The following BANK1 variants were observed in gnomAD, a reference collection of about 807,000 sequenced individuals.
BANK1 encodes the protein B-cell scaffold protein with ankyrin repeats.
Under a neutral mutation model 94.5 loss-of-function variants are expected in BANK1, and 95 were observed. That is an observed-to-expected ratio of 1.00 (90% CI 0.85 to 1.19). The LOEUF (loss-of-function observed/expected upper bound fraction) is 1.19, where lower values mean the gene tolerates loss of function less well. Ranked by LOEUF, BANK1 falls within the 50% of genes most tolerant of loss-of-function variation. The pLI is 0.00. For missense variants in BANK1, 987 were observed against 932.2 expected (o/e 1.06, Z -0.77); for synonymous variants, 334 against 308.4 (o/e 1.08, Z -0.87).
At position 101,957,217 on chromosome 4, in the gene BANK1, A is replaced by C. The variant is rs146984602; in HGVS notation, c.1206+39028A>C. 1.9e-3 allele frequency among the ~76,000 whole-genome samples: 285 copies of C among 152,276 alleles called. 2 individuals are homozygous for C. The highest frequency in any genetic ancestry group is 6.4e-3 in the African/African-American group (267 of 41,558). ...TTTACCTTTCTTTAGGTTAAGTAGTATGGCTACCTTGGTCTCAGCTGTTCA... is the reference window on the plus strand; with the variant it reads ...TTTACCTTTCTTTAGGTTAAGTAGTCTGGCTACCTTGGTCTCAGCTGTTCA... On this transcript the variant is annotated intron_variant, in intron 7 of 16. Coordinates refer to ENST00000322953, the MANE Select transcript of BANK1 (RefSeq NM_017935.5).
At chr4:101,867,285 C>T (rs1484867185) in intron 4 of BANK1, among the ~76,000 whole-genome samples, 3 of 151,144 alleles carry the variant, frequency 2.0e-5, no homozygotes, top group Non-Finnish European at 4.4e-5. Flanking sequence ...AAGGAACCCA[C>T]CAATCTAAAA....
At chr4:101,862,008 C>T (rs966128447) in intron 3 of BANK1, among the ~76,000 whole-genome samples, 1 of 152,040 alleles carries the variant, frequency 6.6e-6, no homozygotes, top group African/African-American at 2.4e-5. Context: ...GGCCACTGAA[C>T]TTCTACTACA....
chr4:101,979,877 G>A (rs1407168932), intron 7 of BANK1, among the ~76,000 whole-genome samples: 4 of 151,586 alleles, frequency 2.6e-5, no homozygotes, highest in Non-Finnish European at 4.4e-5. Flanking sequence ...GGAGTAAATT[G>A]GTATCTGACT....
Position 101,830,085 on chromosome 4 carries a change from T to A in BANK1, c.348T>A (p.Cys116Ter). The change falls in exon 2 of 17, where the codon TGT (cysteine) becomes TGA (stop). Residue 116 changes from cysteine to a stop codon, truncating the protein, a stop_gained. Transcript: ENST00000322953. LOFTEE classifies it high-confidence loss of function. ...CAAAAAGTGTAGTTACTTTGCTTTGTGGAGTGAAGAGTTCAGATCAGCTCT... is the reference window on the plus strand; with the variant it reads ...CAAAAAGTGTAGTTACTTTGCTTTGAGGAGTGAAGAGTTCAGATCAGCTCT... ...HSPKSVVTLL[C>*]GVKSSDQLYE... 1.2e-6 allele frequency: 2 copies of A among 1,613,932 alleles called. No individual in the cohort carries two copies. The highest frequency in any genetic ancestry group is 1.7e-6 in the Non-Finnish European group (2 of 1,179,916).
intron 2 of BANK1, among the ~76,000 whole-genome samples, chr4:101,832,429 T>G (rs1237776145): frequency 6.6e-6 from 1 of 152,186 alleles, no homozygotes. Flanking sequence ...TTTATGTATT[T>G]TGGATTTCTT....
intron 13 of BANK1, among the ~76,000 whole-genome samples, chr4:102,068,222 A>G (rs1728651590): frequency 6.6e-6 from 1 of 152,142 alleles, no homozygotes; most frequent in Non-Finnish European, 1.5e-5. Context: ...TATAAATATT[A>G]TACTAGAAAA....
intron 6 of BANK1, among the ~76,000 whole-genome samples, chr4:101,904,485 G>T (rs1483493524): frequency 6.6e-6 from 1 of 152,160 alleles, no homozygotes; most frequent in Non-Finnish European, 1.5e-5. Flanking sequence ...CATTTTAAAG[G>T]TATAGGTTCT....
At chr4:101,811,307 A>T (rs549507375) in intron 1 of BANK1, among the ~76,000 whole-genome samples, 1 of 152,306 alleles carries the variant, frequency 6.6e-6, no homozygotes, top group East Asian at 1.9e-4. Context: ...ATCTTAGAAC[A>T]TGAACCATTT....
intron 11 of BANK1, among the ~76,000 whole-genome samples, chr4:102,057,221 GCTCT>G (rs374385213): frequency 2.4e-4 from 34 of 144,414 alleles, no homozygotes; most frequent in East Asian, 2.2e-3. Context: ...ACTAGTTCTC[GCTCT>G]CTCTCTCTCT....
At chr4:101,839,945 T>A (rs1343824392) in intron 2 of BANK1, among the ~76,000 whole-genome samples, 696 of 17,150 alleles carry the variant, frequency 0.041, 22 homozygotes, top group African/African-American at 0.15. Context: ...TAATTTTTTT[T>A]TTTTTTTTTT....
chr4:101,863,510 A>T (rs1727959187), intron 4 of BANK1, among the ~76,000 whole-genome samples: 1 of 152,132 alleles, frequency 6.6e-6, no homozygotes, highest in Non-Finnish European at 1.5e-5. Context: ...ACACATTTTG[A>T]ACATTTTTTC....
intron 5 of BANK1, among the ~76,000 whole-genome samples, chr4:101,874,243 T>G (rs987828944): frequency 2.0e-5 from 3 of 152,190 alleles, no homozygotes; most frequent in Admixed American, 6.5e-5. Flanking sequence ...TAAAGCCAAA[T>G]GGGTTTTGAA....
At chr4:101,840,205 T>C (rs1726992281) in intron 2 of BANK1, among the ~76,000 whole-genome samples, 1 of 151,348 alleles carries the variant, frequency 6.6e-6, no homozygotes, top group African/African-American at 2.4e-5. Flanking sequence ...CCTGACCTCG[T>C]GATCCGCCCG....
intron 5 of BANK1, among the ~76,000 whole-genome samples, chr4:101,877,227 C>T (rs1390123212): frequency 6.6e-6 from 1 of 151,878 alleles, no homozygotes; most frequent in Non-Finnish European, 1.5e-5. Context: ...CAGATTTAAC[C>T]CAAAGAAGAC....
intron 16 of BANK1, 67 bp downstream of exon 16, chr4:102,073,815 C>CATT (rs1728835473): frequency 7.8e-7 from 1 of 1,274,050 alleles, no homozygotes; most frequent in African/African-American, 1.5e-5. Context: ...TTGAAGGTAT[C>CATT]ATTTGTCTAA....
At chr4:101,826,536 C>T (rs1394155600) in intron 1 of BANK1, among the ~76,000 whole-genome samples, 1 of 151,800 alleles carries the variant, frequency 6.6e-6, no homozygotes, top group Admixed American at 6.6e-5. Flanking sequence ...TAACTGTAGA[C>T]CAGCTTATTC....
At chr4:101,921,991 C>T (rs1183124606) in intron 7 of BANK1, among the ~76,000 whole-genome samples, 3 of 149,596 alleles carry the variant, frequency 2.0e-5, no homozygotes, top group African/African-American at 7.4e-5. Flanking sequence ...TGCTCTTTGT[C>T]CCTGTGGACA....
intron 10 of BANK1, among the ~76,000 whole-genome samples, chr4:102,037,617 T>TGAGGATTATGAAGCCA (rs1256054816): frequency 6.6e-6 from 1 of 152,180 alleles, no homozygotes; most frequent in African/African-American, 2.4e-5. Flanking sequence ...GTGAAATTCA[T>TGAGGATTATGAAGCCA]GAGGATTATG....
rs954510062 is a variant in BANK1 at position 101,880,877 on chromosome 4, G to A, written c.903+10233G>A. On this transcript the variant is annotated intron_variant, in intron 5 of 16. Coordinates refer to ENST00000322953, the MANE Select transcript of BANK1 (RefSeq NM_017935.5). ...GGAAAATTGCATATCCATATTGGAA[G>A]AGTGAAACTAGACCCACATTTCTCA... is the stretch of plus-strand genomic sequence containing the variant. Among the ~76,000 whole-genome samples, 13 of 152,144 alleles carry A rather than the reference G, an allele frequency of 8.5e-5. No individual in the cohort carries two copies. The East Asian group carries it at 2.3e-3, about 27-fold the overall frequency.
Sources: gnomAD v4.1 joint callset for allele counts (sites outside exome capture counted in the v4.1 genomes callset) on GRCh38, gnomAD v4.1.1 for gene constraint, MANE v1.5 for transcripts, NCBI Gene and HGNC (gene_info 2026-07-23, HGNC 2026-07-21) for gene names.